Variants in MUC5B observed in about 807,000 individuals in gnomAD.
The protein encoded by MUC5B is mucin-5B.
A neutral mutation model predicts 376.9 loss-of-function variants in MUC5B; 116 were observed. The observed-to-expected ratio is 0.31, with a 90% CI of 0.26 to 0.36. The LOEUF is 0.36. MUC5B is among the 10% of genes least tolerant of loss of function. The pLI, the probability that MUC5B is intolerant of heterozygous loss-of-function variation, is 1.00. For missense variants in MUC5B, 7,165 were observed against 7,769.9 expected, an observed-to-expected ratio of 0.92 and a Z score of 2.93; for synonymous variants, 3,517 against 3,390.9, an observed-to-expected ratio of 1.04 and a Z score of -1.29.
rs548959942 is a variant in MUC5B at position 1,242,442 on chromosome 11, G to A, written c.5562G>A (p.Gly1854=). The stretch of plus-strand genomic sequence containing the variant: ...TGCTGACCTGCAGCCTGGAGACGGG[G>A]CTGACCTGCAAGAACGAAGACCAGA... The part of the protein sequence containing the change: ...GQVLTCSLET[G]LTCKNEDQTG... The change falls in exon 31 of 49, where the codon GGG becomes GGA. Residue 1854 remains glycine (G), a synonymous_variant. Coordinates refer to ENST00000529681, the MANE Select transcript of MUC5B (RefSeq NM_002458.3). 1.9e-6 allele frequency: 3 copies of A among 1,613,792 alleles called. No homozygotes were observed. The highest frequency in any genetic ancestry group is 2.2e-5 in the South Asian group (2 of 91,084).
At position 1,243,241 on chromosome 11, in the gene MUC5B, T is replaced by A. The variant is rs1213411273; in HGVS notation, c.6361T>A (p.Ser2121Thr). ...GGCCACTGGTTCTATGGCAACACCC[T>A]CCTCTAGCACACAGACCAGTGGTAC... ...TVATGSMATP[S>T]SSTQTSGTPP... is the part of the protein sequence containing the mutation. The change falls in exon 31 of 49, where the codon TCC (serine) becomes ACC (threonine). Residue 2121 changes from serine (S) to threonine (T), a missense_variant. Physicochemically the swap from Ser to Thr is moderately conservative, Grantham distance 58. Coordinates refer to ENST00000529681, the MANE Select transcript of MUC5B (RefSeq NM_002458.3). The A allele has an allele frequency of 1.9e-6, 3 of 1,556,562 alleles. No homozygotes were observed. In the South Asian group the frequency reaches 3.5e-5, roughly 18 times the overall value.
Position 1,234,439 on chromosome 11 carries a change from G to A in MUC5B, c.2479-90G>A. The A allele has an allele frequency of 2.6e-6, 4 of 1,515,514 alleles. No homozygotes were observed. Among genetic ancestry groups the A allele is most frequent in the Non-Finnish European group, 3.6e-6 (4 of 1,123,114 alleles). The allele number at this position is 1,515,514 out of a possible 1,614,324, so 93.9% of individuals were successfully genotyped here. On this transcript the variant is annotated intron_variant, in intron 20 of 48. Coordinates refer to ENST00000529681, the MANE Select transcript of MUC5B (RefSeq NM_002458.3). This position sits in a 1 kb window ranked among gnomAD's most constrained non-coding sequence, Gnocchi z 6.3. ...CCGCCCTGGCCCATGCGTTGCCCTGGGTGCTGCTGGGTGCGCCTGTCCCAG... is the reference window on the plus strand; with the variant it reads ...CCGCCCTGGCCCATGCGTTGCCCTGAGTGCTGCTGGGTGCGCCTGTCCCAG...
rs376869159 is a variant in MUC5B at position 1,251,244 on chromosome 11, C to T, written c.14364C>T (p.His4788=). ...IHTSSTPETT[H]TSTVLTTTAT... The stretch of plus-strand genomic sequence containing the variant: ...CCTCCTCTACTCCAGAGACCACCCA[C>T]ACCTCCACAGTGCTGACCACCACAG... Residue 4788 remains histidine (H), a synonymous_variant, in exon 31 of 49, where the codon CAC becomes CAT. Transcript: ENST00000529681. The T allele has an allele frequency of 6.2e-7, 1 of 1,611,448 alleles. No homozygotes were observed. The highest frequency in any genetic ancestry group is 8.5e-7 in the Non-Finnish European group (1 of 1,178,294).
rs760612241 is a variant in MUC5B, at chr11:1,251,684, C to T, written c.14804C>T (p.Pro4935Leu). 38 of 1,612,720 alleles carry T rather than the reference C, an allele frequency of 2.4e-5. No individual in the cohort carries two copies. Among genetic ancestry groups the T allele is most frequent in the Non-Finnish European group, 3.2e-5 (38 of 1,179,638 alleles). Residue 4935 changes from proline to leucine, a missense_variant, in exon 31 of 49, where the codon CCC (proline) becomes CTC (leucine). By Grantham distance (98) the Pro-to-Leu change is moderately conservative. Transcript: ENST00000529681. Reference sequence around the variant, plus strand: ...ACCACCCTGAGACCCACTGGCTTCCCCAGCTCCCACTTCTCTACTCCCTGC... The same window carrying T: ...ACCACCCTGAGACCCACTGGCTTCCTCAGCTCCCACTTCTCTACTCCCTGC... ...VLTTLRPTGF[P>L]SSHFSTPCFC...
At chr11:1,233,322 C>T (rs530260660) in intron 18 of MUC5B, 54 bp downstream of exon 18, 11 of 1,456,856 alleles carry the variant, frequency 7.6e-6, no homozygotes, top group African/African-American at 4.2e-5. Context: ...AGCCACTTCC[C>T]GCCCTCCCCG....
At position 1,252,541 on chromosome 11, in the gene MUC5B, C is replaced by T. The variant is rs1862733677; in HGVS notation, c.15045+17C>T. 2 of 1,526,534 alleles carry T rather than the reference C, an allele frequency of 1.3e-6. No homozygotes were observed. The highest frequency in any genetic ancestry group is 2.8e-5 in the African/African-American group (2 of 72,694). 94.6% of individuals were successfully genotyped at this position (1,526,534 alleles called of 1,614,324 possible). A position where few individuals can be genotyped will look rare whatever the true frequency, so the allele number is the denominator to read the frequency against. Reference sequence around the variant, plus strand: ...CTCCGGCAGGTGGGCCCCGCCTGCCCTCCACCTCCCGTGCTGCGTGCACAC... The same window carrying T: ...CTCCGGCAGGTGGGCCCCGCCTGCCTTCCACCTCCCGTGCTGCGTGCACAC... On this transcript the variant is annotated intron_variant, in intron 32 of 48. Coordinates refer to ENST00000529681, the MANE Select transcript of MUC5B (RefSeq NM_002458.3).
Position 1,242,646 on chromosome 11 carries a change from C to G in MUC5B, c.5766C>G (p.Ser1922=), listed in dbSNP as rs1166769162. ...TTATTTASTG[S]TATPTSTLRT... ...CCACTACGACTGCGTCCACTGGATC[C>G]ACGGCCACCCCGACCTCCACCCTGA... The change falls in exon 31 of 49, where the codon TCC becomes TCG. Residue 1922 remains serine, a synonymous_variant. Coordinates refer to ENST00000529681, the MANE Select transcript of MUC5B (RefSeq NM_002458.3). The G allele has an allele frequency of 6.2e-7, 1 of 1,613,588 alleles. No homozygotes were observed. The highest frequency in any genetic ancestry group is 8.5e-7 in the Non-Finnish European group (1 of 1,179,788).
rs56405015 is a variant in MUC5B, at chr11:1,237,188, A to G, written c.3297+24A>G. Reference sequence around the variant, plus strand: ...AGGTGGGGCTCTGGTCTTGGCAGGCAGGGTCTGGTGGGGATGGCAGTTGCT... The same window carrying G: ...AGGTGGGGCTCTGGTCTTGGCAGGCGGGGTCTGGTGGGGATGGCAGTTGCT... On this transcript the variant is annotated intron_variant, in intron 25 of 48. Coordinates refer to ENST00000529681, the MANE Select transcript of MUC5B (RefSeq NM_002458.3). 9.4e-5 allele frequency: 131 copies of G among 1,399,908 alleles called. No homozygotes were observed. The African/African-American group carries it at 1.9e-3, about 20-fold the overall frequency. The allele number at this position is 1,399,908 out of a possible 1,614,324, so 86.7% of individuals were successfully genotyped here.
In MUC5B at chr11:1,250,188, C is replaced by G; in HGVS notation, c.13308C>G (p.Ser4436=). Residue 4436 remains serine, a synonymous_variant, in exon 31 of 49, where the codon TCC becomes TCG. Transcript: ENST00000529681. ...TTATTTASTG[S]TATPSSTPGT... ...CCACTACGACTGCGTCCACTGGATCCACGGCCACCCCGTCCTCCACCCCAG... is the reference window on the plus strand; with the variant it reads ...CCACTACGACTGCGTCCACTGGATCGACGGCCACCCCGTCCTCCACCCCAG... 6.2e-7 allele frequency: 1 copy of G among 1,609,428 alleles called. No individual in the cohort carries two copies. Among genetic ancestry groups the G allele is most frequent in the Non-Finnish European group, 8.5e-7 (1 of 1,176,948 alleles).
chr11:1,232,303 G>A, intron 15 of MUC5B, 143 bp downstream of exon 15: 4 of 1,338,342 alleles, frequency 3.0e-6, no homozygotes, highest in Non-Finnish European at 4.1e-6. Flanking sequence ...GGTGCTTGGG[G>A]CCAGGCGGCC....
rs1259671102 is a variant in MUC5B at position 1,256,744 on chromosome 11, C to A, written c.16210C>A (p.His5404Asn). The change falls in exon 39 of 49, where the codon CAC becomes AAC. Residue 5404 changes from histidine to asparagine, a missense_variant. Around this residue, in one of 31 missense-constraint regions of MUC5B, gnomAD observed 842 missense variants for 1,016.9 expected, o/e 0.83. Coordinates refer to ENST00000529681, the MANE Select transcript of MUC5B (RefSeq NM_002458.3). ...TGAGGACCAGATCCTCTTCAACGCACACATGGGCATCTGCGTGCAGGCCTG... is the reference window on the plus strand; with the variant it reads ...TGAGGACCAGATCCTCTTCAACGCAAACATGGGCATCTGCGTGCAGGCCTG... Reference protein sequence around the residue: ...CPEDQILFNAHMGICVQACPC... With the variant: ...CPEDQILFNANMGICVQACPC... The A allele has an allele frequency of 6.5e-7, 1 of 1,549,360 alleles. No individual in the cohort carries two copies. Among genetic ancestry groups the A allele is most frequent in the Admixed American group, 2.0e-5 (1 of 49,780 alleles).
rs367909482 is a variant in MUC5B, at chr11:1,259,809, C to A, written c.16767C>A (p.Thr5589=). The A allele has an allele frequency of 8.1e-6, 13 of 1,612,354 alleles. No individual in the cohort carries two copies. Among genetic ancestry groups the A allele is most frequent in the Non-Finnish European group, 1.1e-5 (13 of 1,179,672 alleles). ...AGQCCGECVQ[T]ACLTPDGQPV... ...AGTGCTGTGGGGAGTGCGTCCAGAC[C>A]GCCTGCCTCACGCCCGATGGCCAGC... The change falls in exon 45 of 49, where the codon ACC becomes ACA. Residue 5589 remains threonine, a synonymous_variant. Coordinates refer to ENST00000529681, the MANE Select transcript of MUC5B (RefSeq NM_002458.3).
intron 1 of MUC5B, among the ~76,000 whole-genome samples, chr11:1,223,677 C>T (rs1423032531): frequency 6.6e-6 from 1 of 152,222 alleles, no homozygotes; most frequent in African/African-American, 2.4e-5. Flanking sequence ...AAGGGTTGCA[C>T]AGCCAGCCGC....
rs375998168 is a variant in MUC5B at position 1,244,796 on chromosome 11, C to A, written c.7916C>A (p.Thr2639Lys). Residue 2639 changes from threonine (T) to lysine (K), a missense_variant, in exon 31 of 49, where the codon ACA (threonine) becomes AAA (lysine). Thr to Lys is a moderately conservative substitution (Grantham distance 78). Coordinates refer to ENST00000529681, the MANE Select transcript of MUC5B (RefSeq NM_002458.3). ...TLPVWISTTTTPTTRGSTVTP... is the reference protein window; with the variant it reads ...TLPVWISTTTKPTTRGSTVTP... ...CCAGTGTGGATCAGCACAACCACCA[C>A]ACCCACAACCAGAGGTTCCACGGTG... 4 of 1,613,418 alleles carry A rather than the reference C, an allele frequency of 2.5e-6. No homozygotes were observed. The highest frequency in any genetic ancestry group is 3.4e-6 in the Non-Finnish European group (4 of 1,179,686).
At chr11:1,224,571 CTGGGGAGGGGCTGCTGGGG>C (rs1425409759) in intron 1 of MUC5B, among the ~76,000 whole-genome samples, 1 of 11,986 alleles carries the variant, frequency 8.3e-5, no homozygotes, top group Non-Finnish European at 1.6e-4. Context: ...CTGCCTGGGG[CTGGGGAGGGGCTGCTGGGG>C]TGGGGAGGGG....
rs1223739638 is a variant in MUC5B, at chr11:1,251,719, G to T, written c.14839G>T (p.Ala4947Ser). The T allele has an allele frequency of 6.2e-7, 1 of 1,606,736 alleles. No individual in the cohort carries two copies. The highest frequency in any genetic ancestry group is 8.5e-7 in the Non-Finnish European group (1 of 1,175,548). ...CTTCTCTACTCCCTGCTTCTGCAGG[G>T]CATTTGGACAGTTTTTCTCGCCCGG... ...SHFSTPCFCR[A>S]FGQFFSPGEV... is the part of the protein sequence containing the mutation. The change falls in exon 31 of 49, where the codon GCA becomes TCA. Residue 4947 changes from alanine (A) to serine (S), a missense_variant. By Grantham distance (99) the Ala-to-Ser change is moderately conservative (BLOSUM62 1). Transcript: ENST00000529681.
chr11:1,260,270 G>C (rs1161851701), intron 46 of MUC5B, 81 bp from the exon 47 acceptor site: 32 of 1,291,944 alleles, frequency 2.5e-5, no homozygotes, highest in African/African-American at 3.1e-5. Flanking sequence ...GCCCCTGCCC[G>C]GGTGGGCCCC....
At position 1,242,053 on chromosome 11, in the gene MUC5B, T is replaced by C. The variant is rs756226794; in HGVS notation, c.5173T>C (p.Ser1725Pro). The C allele has an allele frequency of 7.5e-6, 12 of 1,596,116 alleles. No homozygotes were observed. The highest frequency in any genetic ancestry group is 6.7e-5 in the African/African-American group (5 of 74,176). The part of the protein sequence containing the change: ...PTLAPTTMAT[S>P]RARPTGTAST... ...GCTGGCCCCAACAACAATGGCAACC[T>C]CCAGAGCTCGCCCGACAGGCACAGC... The change falls in exon 31 of 49, where the codon TCC (serine) becomes CCC (proline). Residue 1725 changes from serine to proline, a missense_variant. By Grantham distance (74) the Ser-to-Pro change is moderately conservative. Coordinates refer to ENST00000529681, the MANE Select transcript of MUC5B (RefSeq NM_002458.3).
intron 12 of MUC5B, 99 bp downstream of exon 12, chr11:1,230,699 G>T: frequency 1.7e-6 from 2 of 1,153,062 alleles, no homozygotes; most frequent in East Asian, 2.6e-5. Flanking sequence ...CCCGAGGCCA[G>T]GTCCCCCCTC....
Sources: allele counts gnomAD v4.1 joint callset (sites outside exome capture counted in the v4.1 genomes callset), GRCh38; gene constraint gnomAD v4.1.1; regional missense constraint gnomAD v4.1.1; non-coding constraint Gnocchi (gnomAD v3.1); transcripts MANE v1.5; gene names NCBI Gene and HGNC (gene_info 2026-07-23, HGNC 2026-07-21).